Variants in ART3 observed in about 807,000 individuals in gnomAD.
ART3 encodes ADP-ribosyltransferase 3 (inactive).
ART3 carries 49 observed loss-of-function variants against 48.5 expected under a neutral mutation model. The observed-to-expected ratio is 1.01, with a 90% CI of 0.80 to 1.28. The LOEUF is 1.28. ART3 is among the 50% of genes most tolerant of loss of function. The probability of loss-of-function intolerance (pLI) is 0.00; values close to 1 mark genes in which losing one functional copy is unlikely to be tolerated. For missense variants in ART3, 438 were observed against 454.3 expected, an observed-to-expected ratio of 0.96 and a Z score of 0.33; for synonymous variants, 145 against 157.2, an observed-to-expected ratio of 0.92 and a Z score of 0.58.
chr4:76,017,562 CTT>C (rs1405477040), intron 1 of ART3, among the ~76,000 whole-genome samples: 4 of 151,872 alleles, frequency 2.6e-5, no homozygotes, highest in Non-Finnish European at 5.9e-5. Context: ...CAAGCACTCT[CTT>C]TGCTGTCCTG....
At position 76,024,010 on chromosome 4, in the gene ART3, C is replaced by G. The variant is rs182512449; in HGVS notation, c.-10+12690C>G. 5.0e-4 allele frequency among the ~76,000 whole-genome samples: 76 copies of G among 152,246 alleles called. 1 individual carries two copies. Among genetic ancestry groups the G allele is most frequent in the African/African-American group, 1.8e-3 (74 of 41,554 alleles). The stretch of plus-strand genomic sequence containing the variant: ...TAGGACTGGCCTGCTTTGACAGGGT[C>G]AAAGATCTGGAACTGGCAAGTTTTA... On this transcript the variant is annotated intron_variant, in intron 1 of 9. Coordinates refer to the ART3 transcript ENST00000341029.
intron 1 of ART3, among the ~76,000 whole-genome samples, chr4:76,044,486 A>T (rs1200113403): frequency 1.3e-5 from 2 of 152,090 alleles, no homozygotes; most frequent in African/African-American, 2.4e-5. Flanking sequence ...GAAGATCCAC[A>T]TAAGTAGAAT....
intron 1 of ART3, chr4:76,023,233 A>T (rs1560578136): frequency 1.0e-5 from 7 of 680,866 alleles, no homozygotes; most frequent in Non-Finnish European, 1.3e-5. Context: ...TTATGATCTG[A>T]GGGAATCTCT....
At chr4:76,035,183 A>G (rs1051055291) in intron 1 of ART3, 15 of 1,613,820 alleles carry the variant, frequency 9.3e-6, no homozygotes, top group Non-Finnish European at 1.2e-5. Context: ...AAAAGCCTGC[A>G]CCATTGTCAT....
chr4:76,050,935 C>T (rs1412630435), intron 1 of ART3, among the ~76,000 whole-genome samples: 4 of 152,240 alleles, frequency 2.6e-5, no homozygotes, highest in East Asian at 1.9e-4. Flanking sequence ...CCGGCAGGGC[C>T]GGCGGGCTGC....
At chr4:76,079,176 T>TAAAAAAAA (rs35036561) in intron 2 of ART3, among the ~76,000 whole-genome samples, 1 of 130,850 alleles carries the variant, frequency 7.6e-6, no homozygotes, top group African/African-American at 2.9e-5. Flanking sequence ...TCATCTTTGT[T>TAAAAAAAA]AAAAAAAAAA....
At chr4:76,014,979 G>T (rs934452635) in intron 1 of ART3, among the ~76,000 whole-genome samples, 8 of 152,142 alleles carry the variant, frequency 5.3e-5, no homozygotes, top group African/African-American at 1.4e-4. Context: ...GAATGAAAAA[G>T]AAATGAAGAC....
intron 1 of ART3, chr4:76,034,708 A>T (rs1734186378): frequency 9.8e-7 from 1 of 1,025,252 alleles, no homozygotes; most frequent in Admixed American, 2.3e-5. Flanking sequence ...CTACTGTAGA[A>T]TTCTTGTCAT....
chr4:76,054,809 G>A (rs1718521007), intron 1 of ART3, among the ~76,000 whole-genome samples: 1 of 152,186 alleles, frequency 6.6e-6, no homozygotes, highest in East Asian at 1.9e-4. Context: ...CTCCAGGCTA[G>A]GCTACAGAGT....
intron 1 of ART3, chr4:76,036,198 T>C (rs377419643): frequency 1.1e-5 from 6 of 533,904 alleles, no homozygotes; most frequent in African/African-American, 9.7e-5. Context: ...TTTGTTCTCT[T>C]CTAAATGTTA....
intron 1 of ART3, among the ~76,000 whole-genome samples, chr4:76,031,829 A>G (rs1733895786): frequency 6.6e-6 from 1 of 152,220 alleles, no homozygotes; most frequent in African/African-American, 2.4e-5. Context: ...GATATTAGGC[A>G]CAGGAATAAT....
intron 2 of ART3, among the ~76,000 whole-genome samples, chr4:76,079,074 C>T (rs1721832834): frequency 6.6e-6 from 1 of 150,708 alleles, no homozygotes; most frequent in African/African-American, 2.4e-5. Flanking sequence ...GAGCGAGACT[C>T]CGTCTAAAAA....
At chr4:76,023,446 A>C in intron 1 of ART3, 1 of 1,612,618 alleles carries the variant, frequency 6.2e-7, no homozygotes, top group Non-Finnish European at 8.5e-7. Context: ...CTGAGACTGG[A>C]GGTTCCTCTG....
chr4:76,105,957 C>T (rs10006380), intron 10 of ART3: 175,066 of 971,808 alleles, frequency 0.18, 16,674 homozygotes, highest in East Asian at 0.4. Flanking sequence ...CCACACTCTA[C>T]AATCGTCCAG....
chr4:76,052,863 G>A (rs1736265871), intron 1 of ART3, among the ~76,000 whole-genome samples: 1 of 152,096 alleles, frequency 6.6e-6, no homozygotes, highest in East Asian at 1.9e-4. Flanking sequence ...CAAGTTGCTA[G>A]GATTACAGGC....
At chr4:76,104,208 C>A in intron 9 of ART3, 1 of 466,134 alleles carries the variant, frequency 2.1e-6, no homozygotes, top group Non-Finnish European at 2.8e-6. Flanking sequence ...CTGGATGTTG[C>A]TGAGGGGAAG....
At chr4:76,089,202 G>A (rs1724273518) in intron 3 of ART3, among the ~76,000 whole-genome samples, 1 of 152,074 alleles carries the variant, frequency 6.6e-6, no homozygotes, top group Non-Finnish European at 1.5e-5. Context: ...CTCATTTCCT[G>A]TTCCACACTG....
intron 1 of ART3, among the ~76,000 whole-genome samples, chr4:76,063,159 C>T (rs1226764230): frequency 2.0e-5 from 3 of 152,048 alleles, no homozygotes; most frequent in Non-Finnish European, 2.9e-5. Flanking sequence ...CCTTCTTTTT[C>T]TCTACTACTT....
intron 10 of ART3, chr4:76,106,350 A>G (rs925755956): frequency 6.1e-6 from 6 of 985,258 alleles, no homozygotes; most frequent in Admixed American, 1.2e-4. Context: ...CCAAGTTACA[A>G]TGGTCAGTCT....
Sources: gnomAD v4.1 joint callset for allele counts (sites outside exome capture counted in the v4.1 genomes callset) on GRCh38, gnomAD v4.1.1 for gene constraint, MANE v1.5 for transcripts, NCBI Gene and HGNC (gene_info 2026-07-23, HGNC 2026-07-21) for gene names.